ETF1: variants seen among roughly 807,000 people sequenced by gnomAD.
ETF1 encodes eukaryotic peptide chain release factor subunit 1.
A neutral mutation model predicts 55.1 loss-of-function variants in ETF1; 4 were observed. The ratio of observed to expected loss-of-function variants is 0.07; its 90% CI spans 0.04 to 0.17. The LOEUF is 0.17. Among genes scored for constraint, ETF1 ranks in the 10% least tolerant of loss-of-function variants. The probability of loss-of-function intolerance (pLI) is 1.00; values close to 1 mark genes in which losing one functional copy is unlikely to be tolerated. For synonymous variants in ETF1, 157 were observed against 182.3 expected (o/e 0.86, Z 1.12); for missense variants, 142 against 523.6 (o/e 0.27, Z 7.11).
At position 138,533,033 on chromosome 5, in the gene ETF1, G is replaced by A. The variant is rs908211264; in HGVS notation, c.86+9800C>T. On this transcript the variant is annotated intron_variant, in intron 2 of 10. Coordinates refer to ENST00000360541, the MANE Select transcript of ETF1 (RefSeq NM_004730.4). The stretch of plus-strand genomic sequence containing the variant: ...CGACTCACTGCAACCTCCGCCTCCC[G>A]GGTTCAAGCAATTCTCTTGCCTCAG... Among the ~76,000 whole-genome samples the A allele has an allele frequency of 1.3e-4, 20 of 151,872 alleles. No homozygotes were observed. In the South Asian group the frequency reaches 3.1e-3, roughly 24 times the overall value.
At chr5:138,539,438 AT>A (rs571002773) in intron 2 of ETF1, among the ~76,000 whole-genome samples, 54 of 152,324 alleles carry the variant, frequency 3.5e-4, no homozygotes, top group Non-Finnish European at 5.7e-4. Context: ...TTATGTATAC[AT>A]TTGTCCTTCA....
At position 138,536,851 on chromosome 5, in the gene ETF1, C is replaced by T. The variant is rs74565387; in HGVS notation, c.86+5982G>A. ...TCCTCAATCTCAAGTTCAAAGAAAACGAGCCCTGTGAAGAAAGGGTCCAAC... is the reference window on the plus strand; with the variant it reads ...TCCTCAATCTCAAGTTCAAAGAAAATGAGCCCTGTGAAGAAAGGGTCCAAC... On this transcript the variant is annotated intron_variant, in intron 2 of 10. Coordinates refer to ENST00000360541, the MANE Select transcript of ETF1 (RefSeq NM_004730.4). Among the ~76,000 whole-genome samples, 41 of 152,240 alleles carry T rather than the reference C, an allele frequency of 2.7e-4. 1 individual carries two copies. The East Asian group carries it at 7.7e-3, about 29-fold the overall frequency.
chr5:138,533,705 A>C (rs566086830), intron 2 of ETF1, among the ~76,000 whole-genome samples: 8 of 152,212 alleles, frequency 5.3e-5, no homozygotes, highest in South Asian at 2.1e-4. Flanking sequence ...CAAAACAAAA[A>C]CCAACAACAA....
intron 7 of ETF1, 105 bp from the exon 8 acceptor site, chr5:138,511,305 T>C (rs1035196481): frequency 6.5e-7 from 1 of 1,536,044 alleles, no homozygotes; most frequent in Non-Finnish European, 8.7e-7. Context: ...ATAATGCTTT[T>C]ACTGAGGCAA....
chr5:138,522,929 C>G (rs1765294080), intron 2 of ETF1, among the ~76,000 whole-genome samples: 1 of 151,906 alleles, frequency 6.6e-6, no homozygotes, highest in Admixed American at 6.6e-5. Context: ...TGGTGTGAAC[C>G]CGGGAGGCAG....
rs188854868 is a variant in ETF1, at chr5:138,533,001, G to A, written c.86+9832C>T. Among the ~76,000 whole-genome samples the A allele has an allele frequency of 1.3e-4, 20 of 151,546 alleles. No homozygotes were observed. The East Asian group carries it at 3.9e-3, about 30-fold the overall frequency. ...GTAACCCAGGCTGGAGTACAGTGGC[G>A]CCATTTCGACTCACTGCAACCTCCG... On this transcript the variant is annotated intron_variant, in intron 2 of 10. Coordinates refer to ENST00000360541, the MANE Select transcript of ETF1 (RefSeq NM_004730.4).
intron 2 of ETF1, 49 bp downstream of exon 2, chr5:138,542,784 G>T: frequency 6.2e-7 from 1 of 1,604,140 alleles, no homozygotes; most frequent in East Asian, 2.2e-5. Flanking sequence ...TCCATCCTGA[G>T]GGGTCCGGGA....
At chr5:138,531,304 C>A (rs1317841672) in intron 2 of ETF1, among the ~76,000 whole-genome samples, 1 of 152,162 alleles carries the variant, frequency 6.6e-6, no homozygotes, top group Non-Finnish European at 1.5e-5. Flanking sequence ...TCCTCCCCAA[C>A]AAAGGATGCA....
chr5:138,509,119 T>C (rs2127060670), intron 9 of ETF1: 1 of 985,126 alleles, frequency 1.0e-6, no homozygotes, highest in South Asian at 4.7e-5. Flanking sequence ...CAGGCTGTTG[T>C]AGTGTCTCTA....
chr5:138,520,757 C>T (rs929731378), intron 2 of ETF1, among the ~76,000 whole-genome samples: 1 of 152,032 alleles, frequency 6.6e-6, no homozygotes, highest in Admixed American at 6.6e-5. Context: ...GAGTTAGAAA[C>T]TGCAGTGAGC....
At chr5:138,512,262 T>TATATATATATATA (rs58527715) in intron 6 of ETF1, among the ~76,000 whole-genome samples, 7 of 16,118 alleles carry the variant, frequency 4.3e-4, no homozygotes, top group African/African-American at 1.7e-3. Context: ...ATATATATTT[T>TATATATATATATA]TTTTTTTTTT....
Position 138,506,938 on chromosome 5 carries a change from T to C in ETF1, c.*1367A>G, listed in dbSNP as rs1764581305. ...TGTGGAGGTGATACCAATTGACTTT[T>C]AAAACCTTTGGTCCTTCAAAGTCCA... is the stretch of plus-strand genomic sequence containing the variant. On this transcript the variant is annotated 3_prime_UTR_variant, in exon 11 of 11. Coordinates refer to ENST00000360541, the MANE Select transcript of ETF1 (RefSeq NM_004730.4). 6.6e-6 allele frequency: 1 copy of C among 152,622 alleles called. No individual in the cohort carries two copies. The highest frequency in any genetic ancestry group is 2.4e-5 in the African/African-American group (1 of 41,462). The allele number at this position is 152,622 out of a possible 1,614,324, so 9.5% of individuals were successfully genotyped here. A position where few individuals can be genotyped will look rare whatever the true frequency, so the allele number is the denominator to read the frequency against.
intron 2 of ETF1, chr5:138,529,694 G>GT: frequency 1.0e-6 from 1 of 984,344 alleles, no homozygotes; most frequent in Non-Finnish European, 1.2e-6. Context: ...AAATCAAACA[G>GT]GTGAAAAAAA....
intron 4 of ETF1, among the ~76,000 whole-genome samples, 181 bp downstream of exon 4, chr5:138,517,380 T>C (rs935440418): frequency 7.5e-6 from 1 of 133,066 alleles, no homozygotes; most frequent in African/African-American, 3.8e-5. Context: ...AAAAAAAAAA[T>C]AAAAAAATAA....
intron 2 of ETF1, among the ~76,000 whole-genome samples, chr5:138,542,036 G>C (rs1766200641): frequency 6.6e-6 from 1 of 152,076 alleles, no homozygotes; most frequent in Non-Finnish European, 1.5e-5. Context: ...CACATCAGGC[G>C]CCTCTCTACA....
chr5:138,512,707 G>A (rs1561830439), intron 6 of ETF1, 57 bp downstream of exon 6: 1 of 1,459,792 alleles, frequency 6.9e-7, no homozygotes, highest in Non-Finnish European at 9.1e-7. Context: ...CTCACACAGA[G>A]GACTCACCTA....
At chr5:138,510,973 T>C (rs1581015267) in intron 8 of ETF1, 72 bp downstream of exon 8, 17 of 1,565,384 alleles carry the variant, frequency 1.1e-5, no homozygotes, top group South Asian at 2.5e-5. Context: ...AAATCAGCCA[T>C]CCCTCCCAAA....
At chr5:138,527,174 G>A (rs764676218) in intron 2 of ETF1, among the ~76,000 whole-genome samples, 2 of 152,180 alleles carry the variant, frequency 1.3e-5, no homozygotes, top group Non-Finnish European at 2.9e-5. Flanking sequence ...TGAGCTGGCT[G>A]TCCAGTCCTC....
intron 2 of ETF1, among the ~76,000 whole-genome samples, chr5:138,533,839 A>G (rs967580437): frequency 1.3e-5 from 2 of 152,222 alleles, no homozygotes; most frequent in South Asian, 2.1e-4. Flanking sequence ...AACCAGCACT[A>G]AACAAAACCA....
Sources: allele counts gnomAD v4.1 joint callset (sites outside exome capture counted in the v4.1 genomes callset), GRCh38; gene constraint gnomAD v4.1.1; transcripts MANE v1.5; gene names NCBI Gene and HGNC (gene_info 2026-07-23, HGNC 2026-07-21).